CDH7: variants seen among roughly 807,000 people sequenced by gnomAD.
CDH7 encodes cadherin 7.
In CDH7, 25 loss-of-function variants were observed where a neutral mutation model predicts 71.8. The ratio of observed to expected loss-of-function variants is 0.35; its 90% CI spans 0.25 to 0.49. The LOEUF (loss-of-function observed/expected upper bound fraction) is 0.49, where lower values mean the gene tolerates loss of function less well. Ranked by LOEUF, CDH7 falls within the 20% of genes least tolerant of loss-of-function variation. CDH7 has a pLI of 0.99. For synonymous variants in CDH7, 381 were observed against 363.8 expected (o/e 1.05, Z -0.54); for missense variants, 862 against 974.6 (o/e 0.88, Z 1.54).
chr18:65,874,479 G>A (rs1261020774), intron 11 of CDH7, among the ~76,000 whole-genome samples: 1 of 152,026 alleles, frequency 6.6e-6, no homozygotes, highest in Admixed American at 6.6e-5. Context: ...CGTACACATG[G>A]ATATAGCATG....
At chr18:65,755,235 C>G (rs554044555) in intron 1 of CDH7, among the ~76,000 whole-genome samples, 2 of 152,262 alleles carry the variant, frequency 1.3e-5, no homozygotes, top group African/African-American at 4.8e-5. Context: ...GATATTGGAT[C>G]AGTACCTAGC....
chr18:65,850,990 G>C (rs893914609), intron 7 of CDH7, among the ~76,000 whole-genome samples: 47 of 152,004 alleles, frequency 3.1e-4, no homozygotes, highest in African/African-American at 1.0e-3. Flanking sequence ...TGTTTGTAGA[G>C]ATGGGGCTTT....
intron 1 of CDH7, among the ~76,000 whole-genome samples, chr18:65,757,723 G>A (rs73542718): frequency 6.6e-6 from 1 of 151,674 alleles, no homozygotes; most frequent in African/African-American, 2.4e-5. Flanking sequence ...CTTCAGAAAT[G>A]TTCCAGTGTC....
In CDH7 at chr18:65,809,839, G is replaced by C. The variant is rs774247887; in HGVS notation, c.346G>C (p.Ala116Pro). 6.2e-7 allele frequency: 1 copy of C among 1,613,986 alleles called. No homozygotes were observed. Among genetic ancestry groups the C allele is most frequent in the Admixed American group, 1.7e-5 (1 of 59,992 alleles). ...ATKRLDREEQ[A>P]YYTLRAQALD... ...CAAGAGACTGGATCGTGAGGAGCAG[G>C]CCTACTACACGCTCCGAGCTCAAGC... Residue 116 changes from alanine (A) to proline (P), a missense_variant, in exon 3 of 12, where the codon GCC becomes CCC. By Grantham distance (27) the Ala-to-Pro change is conservative (BLOSUM62 -1). Transcript: ENST00000397968.
rs1453664588 is a variant in CDH7 at position 65,888,537 on chromosome 18, G to A, written c.*7643G>A. 1 of 151,982 alleles carries A rather than the reference G, an allele frequency of 6.6e-6. No homozygotes were observed. Among genetic ancestry groups the A allele is most frequent in the Non-Finnish European group, 1.5e-5 (1 of 68,010 alleles). 9.4% of individuals were successfully genotyped at this position (151,982 alleles called of 1,614,324 possible). On this transcript the variant is annotated 3_prime_UTR_variant, in exon 12 of 12. Transcript: ENST00000397968. ...GAAAATGAGTATCATTGTAATTAAA[G>A]TTTGATATTTTCTTCTAAGTGACTG...
intron 6 of CDH7, 61 bp downstream of exon 6, chr18:65,824,892 G>T: frequency 8.3e-7 from 1 of 1,208,850 alleles, no homozygotes; most frequent in Non-Finnish European, 1.2e-6. Flanking sequence ...CTGTTTGATG[G>T]GAGAATGTAC....
At chr18:65,761,690 G>A (rs1301515574) in intron 1 of CDH7, among the ~76,000 whole-genome samples, 1 of 152,088 alleles carries the variant, frequency 6.6e-6, no homozygotes, top group Non-Finnish European at 1.5e-5. Flanking sequence ...ATTTCTTTGT[G>A]TTTTAGGGGT....
At chr18:65,772,765 AAC>A (rs1916583950) in intron 2 of CDH7, among the ~76,000 whole-genome samples, 2 of 152,142 alleles carry the variant, frequency 1.3e-5, no homozygotes, top group African/African-American at 2.4e-5. Flanking sequence ...TAAAATTAAA[AAC>A]ACAAGCTTTA....
At chr18:65,872,764 A>G (rs116937656) in intron 11 of CDH7, among the ~76,000 whole-genome samples, 12 of 151,994 alleles carry the variant, frequency 7.9e-5, no homozygotes, top group African/African-American at 2.9e-4. Flanking sequence ...GCATGGTGGC[A>G]TGCACCCAAA....
Position 65,809,865 on chromosome 18 carries a change from G to C in CDH7, c.372G>C (p.Ala124=), listed in dbSNP as rs375091808. 2 of 1,613,974 alleles carry C rather than the reference G, an allele frequency of 1.2e-6. No homozygotes were observed. The highest frequency in any genetic ancestry group is 1.7e-5 in the Admixed American group (1 of 59,972). ...EQAYYTLRAQ[A]LDRLTNKPVE... Reference sequence around the variant, plus strand: ...CCTACTACACGCTCCGAGCTCAAGCGCTGGATAGGCTCACCAACAAACCCG... The same window carrying C: ...CCTACTACACGCTCCGAGCTCAAGCCCTGGATAGGCTCACCAACAAACCCG... Residue 124 remains alanine (A), a synonymous_variant, in exon 3 of 12, where the codon GCG becomes GCC. Coordinates refer to ENST00000397968, the MANE Select transcript of CDH7 (RefSeq NM_004361.5).
At chr18:65,801,782 C>G (rs1911133460) in intron 2 of CDH7, among the ~76,000 whole-genome samples, 1 of 152,192 alleles carries the variant, frequency 6.6e-6, no homozygotes, top group South Asian at 2.1e-4. Flanking sequence ...AAAATTCTCT[C>G]TTTAGATGAT....
chr18:65,796,414 T>A (rs1484359994), intron 2 of CDH7, among the ~76,000 whole-genome samples: 1 of 152,198 alleles, frequency 6.6e-6, no homozygotes, highest in Non-Finnish European at 1.5e-5. Flanking sequence ...AGTTATAAAT[T>A]ATTTTAAAAT....
rs1914341981 is a variant in CDH7 at position 65,885,372 on chromosome 18, G to GGTTTTTTTTTTTTTT, written c.*4478_*4479insGTTTTTTTTTTTTTT. ...GTAACTGAAAAGGATGTGTGCCTGT[G>GGTTTTTTTTTTTTTT]TTTTTTTTTTTTTTTTTTTTTTTGA... On this transcript the variant is annotated 3_prime_UTR_variant, in exon 12 of 12. Coordinates refer to ENST00000397968, the MANE Select transcript of CDH7 (RefSeq NM_004361.5). 1.4e-5 allele frequency: 1 copy of GGTTTTTTTTTTTTTT among 69,436 alleles called. No individual in the cohort carries two copies. Among genetic ancestry groups the GGTTTTTTTTTTTTTT allele is most frequent in the Non-Finnish European group, 2.7e-5 (1 of 37,390 alleles). The allele number at this position is 69,436 out of a possible 1,614,324, so 4.3% of individuals were successfully genotyped here. A position where few individuals can be genotyped will look rare whatever the true frequency, so the allele number is the denominator to read the frequency against.
chr18:65,850,189 A>ATATAT lies in CDH7; in HGVS notation c.1235+6124_1235+6125insTATAT, dbSNP rs373950984. The stretch of plus-strand genomic sequence containing the variant: ...ACTATATATAATATATATATATATA[A>ATATAT]AATTAAATACTTATTGAAAAGTCAC... On this transcript the variant is annotated intron_variant, in intron 7 of 11. Coordinates refer to ENST00000397968, the MANE Select transcript of CDH7 (RefSeq NM_004361.5). Among the ~76,000 whole-genome samples, 532 of 143,816 alleles carry ATATAT rather than the reference A, an allele frequency of 3.7e-3. 5 individuals are homozygous for ATATAT. The highest frequency in any genetic ancestry group is 0.01 in the African/African-American group (395 of 39,172). The allele number at this position is 143,816 out of a possible 152,430, so 94.3% of individuals were successfully genotyped here. A position where few individuals can be genotyped will look rare whatever the true frequency, so the allele number is the denominator to read the frequency against.
At chr18:65,787,694 T>C (rs566490243) in intron 2 of CDH7, among the ~76,000 whole-genome samples, 1 of 152,344 alleles carries the variant, frequency 6.6e-6, no homozygotes, top group Admixed American at 6.5e-5. Flanking sequence ...CATTTAGTGG[T>C]CTGCTCTTCT....
chr18:65,838,699 A>G (rs893460062), intron 6 of CDH7, among the ~76,000 whole-genome samples: 6 of 152,246 alleles, frequency 3.9e-5, no homozygotes, highest in Non-Finnish European at 1.5e-5. Flanking sequence ...TTAATGAAGA[A>G]AAATGAAGTG....
Position 65,889,874 on chromosome 18 carries a change from G to T in CDH7, c.*8980G>T, listed in dbSNP as rs935963699. 5 of 152,138 alleles carry T rather than the reference G, an allele frequency of 3.3e-5. No individual in the cohort carries two copies. Among genetic ancestry groups the T allele is most frequent in the African/African-American group, 1.2e-4 (5 of 41,432 alleles). 9.4% of individuals were successfully genotyped at this position (152,138 alleles called of 1,614,324 possible). On this transcript the variant is annotated 3_prime_UTR_variant, in exon 12 of 12. Transcript: ENST00000397968. ...ACAAGGATAAAATACGGAGTTTAAC[G>T]TGCTTATAACCAGTGTGATCCTTGT... is the stretch of plus-strand genomic sequence containing the variant.
At position 65,885,377 on chromosome 18, in the gene CDH7, T is replaced by TTTTCTTTTTTTTTTTC. The variant is rs1599074817; in HGVS notation, c.*4486_*4487insCTTTTTTTTTTTCTTT. ...TGAAAAGGATGTGTGCCTGTGTTTT[T>TTTTCTTTTTTTTTTTC]TTTTTTTTTTTTTTTTTTGACGTGG... On this transcript the variant is annotated 3_prime_UTR_variant, in exon 12 of 12. Transcript: ENST00000397968. The TTTTCTTTTTTTTTTTC allele has an allele frequency of 3.8e-5, 4 of 104,434 alleles. No homozygotes were observed. The highest frequency in any genetic ancestry group is 6.9e-5 in the African/African-American group (2 of 29,180). The allele number at this position is 104,434 out of a possible 1,614,324, so 6.5% of individuals were successfully genotyped here. A position where few individuals can be genotyped will look rare whatever the true frequency, so the allele number is the denominator to read the frequency against.
intron 2 of CDH7, among the ~76,000 whole-genome samples, chr18:65,767,778 G>C (rs1308633170): frequency 6.6e-6 from 1 of 152,164 alleles, no homozygotes; most frequent in African/African-American, 2.4e-5. Context: ...CAGATTTTTA[G>C]AAATACTTCT....
Sources: gnomAD v4.1 joint callset for allele counts (sites outside exome capture counted in the v4.1 genomes callset) on GRCh38, gnomAD v4.1.1 for gene constraint, MANE v1.5 for transcripts, NCBI Gene and HGNC (gene_info 2026-07-23, HGNC 2026-07-21) for gene names.